COL26A1: variants seen among roughly 807,000 people sequenced by gnomAD.
COL26A1 encodes collagen alpha-1(XXVI) chain.
COL26A1 carries 41 observed loss-of-function variants against 59.3 expected under a neutral mutation model. The ratio of observed to expected loss-of-function variants is 0.69; its 90% CI spans 0.54 to 0.90. The LOEUF (loss-of-function observed/expected upper bound fraction) is 0.90, where lower values mean the gene tolerates loss of function less well. Among genes scored for constraint, COL26A1 ranks in the 40% least tolerant of loss-of-function variants. The pLI, the probability that COL26A1 is intolerant of heterozygous loss-of-function variation, is 0.00. For synonymous variants in COL26A1, 266 were observed against 256.0 expected (o/e 1.04, Z -0.37); for missense variants, 612 against 602.3 (o/e 1.02, Z -0.17).
chr7:101,519,044 G>A (rs1157257978), intron 3 of COL26A1, among the ~76,000 whole-genome samples: 1 of 152,212 alleles, frequency 6.6e-6, no homozygotes, highest in Admixed American at 6.5e-5. Flanking sequence ...ATGGAACAGT[G>A]TTGCTGATAA....
intron 3 of COL26A1, among the ~76,000 whole-genome samples, chr7:101,502,438 T>C (rs1794725164): frequency 6.6e-6 from 1 of 151,990 alleles, no homozygotes; most frequent in Admixed American, 6.5e-5. Flanking sequence ...GCCTTTGAGG[T>C]CATTTGGCCC....
chr7:101,534,221 A>C (rs113810765), intron 4 of COL26A1, among the ~76,000 whole-genome samples: 18,645 of 152,206 alleles, frequency 0.12, 1,501 homozygotes, highest in African/African-American at 0.22. Flanking sequence ...CTCTCCGGGG[A>C]AGAACTGTGG....
chr7:101,472,648 A>G (rs1008063), intron 3 of COL26A1, among the ~76,000 whole-genome samples: 2,933 of 152,306 alleles, frequency 0.019, 104 homozygotes, highest in African/African-American at 0.066. Context: ...AATGCCTCCC[A>G]GGAGAGCATG....
intron 3 of COL26A1, among the ~76,000 whole-genome samples, chr7:101,503,727 G>A (rs1181319592): frequency 2.6e-5 from 4 of 152,324 alleles, no homozygotes; most frequent in Non-Finnish European, 5.9e-5. Context: ...CGGACAGGGG[G>A]TCTGAACCAC....
At chr7:101,365,062 C>A (rs1791008233) in intron 1 of COL26A1, among the ~76,000 whole-genome samples, 1 of 152,046 alleles carries the variant, frequency 6.6e-6, no homozygotes, top group African/African-American at 2.4e-5. Flanking sequence ...AGGGCGGGAC[C>A]CAGAAAAGCA....
At chr7:101,371,100 C>T (rs929125809) in intron 1 of COL26A1, among the ~76,000 whole-genome samples, 1 of 152,214 alleles carries the variant, frequency 6.6e-6, no homozygotes, top group Non-Finnish European at 1.5e-5. Flanking sequence ...ACCACTGCCT[C>T]TTGGAAATGT....
chr7:101,544,037 C>A lies in COL26A1; in HGVS notation c.644C>A (p.Pro215His). The change falls in exon 6 of 13, where the codon CCC becomes CAC. Residue 215 changes from proline (P) to histidine (H), a missense_variant. Coordinates refer to ENST00000313669, the MANE Select transcript of COL26A1 (RefSeq NM_001278563.3). ...ACAGGACCACCAGGGCCTGCAGGCC[C>A]CCCCGGGTCTAAAGGTGACCGAGGC... ...GQTGPPGPAG[P>H]PGSKGDRGQT... is the part of the protein sequence containing the mutation. The A allele has an allele frequency of 1.3e-6, 2 of 1,599,558 alleles. No homozygotes were observed. The highest frequency in any genetic ancestry group is 1.7e-6 in the Non-Finnish European group (2 of 1,173,870).
At chr7:101,500,652 T>TA (rs1156988402) in intron 3 of COL26A1, among the ~76,000 whole-genome samples, 5 of 150,694 alleles carry the variant, frequency 3.3e-5, no homozygotes, top group East Asian at 2.0e-4. Context: ...ACCCCATACC[T>TA]AAAAAAAACC....
At chr7:101,383,914 C>T (rs1014853776) in intron 1 of COL26A1, among the ~76,000 whole-genome samples, 1 of 152,222 alleles carries the variant, frequency 6.6e-6, no homozygotes, top group African/African-American at 2.4e-5. Context: ...AGCTGATCTG[C>T]CCACCTCGGC....
chr7:101,418,384 T>C (rs1390354811), intron 1 of COL26A1, among the ~76,000 whole-genome samples: 2 of 152,194 alleles, frequency 1.3e-5, no homozygotes, highest in Admixed American at 1.3e-4. Context: ...TGGGCCCATC[T>C]ACTTTCTGTC....
intron 1 of COL26A1, among the ~76,000 whole-genome samples, chr7:101,408,266 G>A (rs1792172855): frequency 6.6e-6 from 1 of 152,150 alleles, no homozygotes. Flanking sequence ...AGAAGGAGAC[G>A]AGCCTCCATA....
chr7:101,491,284 A>T (rs977995263), intron 3 of COL26A1, among the ~76,000 whole-genome samples: 5 of 152,074 alleles, frequency 3.3e-5, no homozygotes, highest in African/African-American at 1.2e-4. Flanking sequence ...GAAATTGGCC[A>T]TGCTGGGAGT....
intron 1 of COL26A1, among the ~76,000 whole-genome samples, chr7:101,391,531 A>T (rs576378911): frequency 4.9e-4 from 74 of 152,190 alleles, no homozygotes; most frequent in Middle Eastern, 3.4e-3. Flanking sequence ...CTGGAAGGAG[A>T]CATTGATCTC....
chr7:101,408,840 C>G (rs1302959839), intron 1 of COL26A1, among the ~76,000 whole-genome samples: 3 of 152,198 alleles, frequency 2.0e-5, no homozygotes, highest in South Asian at 2.1e-4. Flanking sequence ...GCCCCTGTCT[C>G]TGCTGGCTCC....
At chr7:101,428,794 C>T (rs2130308759) in intron 2 of COL26A1, among the ~76,000 whole-genome samples, 1 of 152,174 alleles carries the variant, frequency 6.6e-6, no homozygotes, top group African/African-American at 2.4e-5. Context: ...AGGCATGAGC[C>T]ACCGCACCTG....
In COL26A1 at chr7:101,363,201, C is replaced by CGGGGCCGA. The variant is rs1333582580; in HGVS notation, c.158+19_158+26dup. On this transcript the variant is annotated intron_variant, in intron 1 of 12. Coordinates refer to ENST00000313669, the MANE Select transcript of COL26A1 (RefSeq NM_001278563.3). ...CTACGCGAGCCGCCGGTGAGTAGCT[C>CGGGGCCGA]GGGGCCGAGGGGCCGGGGGGTGGGG... is the stretch of plus-strand genomic sequence containing the variant. The CGGGGCCGA allele has an allele frequency of 1.6e-6, 1 of 627,016 alleles. No homozygotes were observed. Among genetic ancestry groups the CGGGGCCGA allele is most frequent in the Non-Finnish European group, 2.1e-6 (1 of 466,666 alleles). 38.8% of individuals were successfully genotyped at this position (627,016 alleles called of 1,614,324 possible).
chr7:101,542,775 G>C (rs1795643477), intron 5 of COL26A1, among the ~76,000 whole-genome samples: 1 of 138,186 alleles, frequency 7.2e-6, no homozygotes. Flanking sequence ...CTACGGGAAG[G>C]GGGACCTCTC....
rs962134259 is a variant in COL26A1, at chr7:101,388,819, C to T, written c.158+25629C>T. The T allele has an allele frequency of 3.2e-4, 49 of 153,262 alleles. 1 individual carries two copies. Among genetic ancestry groups the T allele is most frequent in the Non-Finnish European group, 8.7e-5 (6 of 68,888 alleles). 9.5% of individuals were successfully genotyped at this position (153,262 alleles called of 1,614,324 possible). A position where few individuals can be genotyped will look rare whatever the true frequency, so the allele number is the denominator to read the frequency against. On this transcript the variant is annotated intron_variant, in intron 1 of 12. Coordinates refer to ENST00000313669, the MANE Select transcript of COL26A1 (RefSeq NM_001278563.3). ...CTGACCTCAAGTGATCCTCCCGCCT[C>T]GGCCTCCCAAAGTACTGGGATTACA...
At chr7:101,383,969 C>T (rs1481278367) in intron 1 of COL26A1, among the ~76,000 whole-genome samples, 5 of 150,316 alleles carry the variant, frequency 3.3e-5, no homozygotes, top group East Asian at 2.0e-4. Context: ...TGTGCCCAGC[C>T]GATAATTTTT....
Sources: gnomAD v4.1 joint callset for allele counts (sites outside exome capture counted in the v4.1 genomes callset) on GRCh38, gnomAD v4.1.1 for gene constraint, MANE v1.5 for transcripts, NCBI Gene and HGNC (gene_info 2026-07-23, HGNC 2026-07-21) for gene names.